Variants in MOV10 observed in about 807,000 individuals in gnomAD.
MOV10 encodes the protein RNA helicase MOV-10.
A neutral mutation model predicts 108.4 loss-of-function variants in MOV10; 39 were observed. The ratio of observed to expected loss-of-function variants is 0.36; its 90% CI spans 0.28 to 0.47. The LOEUF is 0.47. Among genes scored for constraint, MOV10 ranks in the 20% least tolerant of loss-of-function variants. The probability of loss-of-function intolerance (pLI) is 1.00; values close to 1 mark genes in which losing one functional copy is unlikely to be tolerated. For synonymous variants in MOV10, 490 were observed against 523.1 expected (o/e 0.94, Z 0.86); for missense variants, 952 against 1,297.6 (o/e 0.73, Z 4.09).
At chr1:112,683,255 AT>A (rs1367909755) in intron 2 of MOV10, among the ~76,000 whole-genome samples, 4 of 152,096 alleles carry the variant, frequency 2.6e-5, no homozygotes, top group Admixed American at 1.3e-4. Flanking sequence ...GTGGACTTAC[AT>A]TTTAATTTCT....
chr1:112,698,619 G>A lies in MOV10; in HGVS notation c.2509-96G>A, dbSNP rs138218328. On this transcript the variant is annotated intron_variant, in intron 16 of 20. Transcript: ENST00000369645. ...CAGAAGAGCACCAAGGTCAGCTGCC[G>A]CCTCCCTTTGTTCCCCAGCTCCCTG... 133 of 1,464,670 alleles carry A rather than the reference G, an allele frequency of 9.1e-5. No individual in the cohort carries two copies. In the African/African-American group the frequency reaches 1.5e-3, roughly 17 times the overall value. 90.7% of individuals were successfully genotyped at this position (1,464,670 alleles called of 1,614,324 possible). A position where few individuals can be genotyped will look rare whatever the true frequency, so the allele number is the denominator to read the frequency against.
Position 112,675,186 on chromosome 1 carries a change from C to A in MOV10, c.137+137C>A. ...GCGGCTCAGGCCAGTCCCGGGGCGGCGCAGACCTCCCCTCCCGCGCCTCGC... is the reference window on the plus strand; with the variant it reads ...GCGGCTCAGGCCAGTCCCGGGGCGGAGCAGACCTCCCCTCCCGCGCCTCGC... On this transcript the variant is annotated intron_variant, in intron 2 of 20. Coordinates refer to ENST00000369645, the MANE Select transcript of MOV10 (RefSeq NM_001321324.2). This position sits in a 1 kb window ranked among gnomAD's most constrained non-coding sequence, Gnocchi z 4.7. The A allele has an allele frequency of 2.1e-6, 2 of 951,806 alleles. No individual in the cohort carries two copies. The highest frequency in any genetic ancestry group is 2.0e-5 in the South Asian group (1 of 49,848). 59.0% of individuals were successfully genotyped at this position (951,806 alleles called of 1,614,324 possible). A position where few individuals can be genotyped will look rare whatever the true frequency, so the allele number is the denominator to read the frequency against.
In MOV10 at chr1:112,695,541, C is replaced by T. The variant is rs754163528; in HGVS notation, c.1746C>T (p.Ser582=). The change falls in exon 11 of 21, where the codon AGC becomes AGT. Residue 582 remains serine (S), a synonymous_variant. Transcript: ENST00000369645. The stretch of plus-strand genomic sequence containing the variant: ...CCATCTACCGCCTCCTGGCCCCCAG[C>T]AGGGACATCCGCATGGTACCTGAGG... ...PSSIYRLLAP[S]RDIRMVPEDI... The T allele has an allele frequency of 6.2e-7, 1 of 1,614,162 alleles. No individual in the cohort carries two copies. Among genetic ancestry groups the T allele is most frequent in the South Asian group, 1.1e-5 (1 of 91,088 alleles).
chr1:112,685,428 G>A lies in MOV10; in HGVS notation c.138-3507G>A, dbSNP rs192130390. On this transcript the variant is annotated intron_variant, in intron 2 of 20. Coordinates refer to ENST00000369645, the MANE Select transcript of MOV10 (RefSeq NM_001321324.2). ...TCCCAGCACTTTGGGAGGCCGAGGC[G>A]GGCAGATCAGGAGGTCAAGAGATTG... Among the ~76,000 whole-genome samples, 457 of 151,938 alleles carry A rather than the reference G, an allele frequency of 3.0e-3. 5 individuals carry two copies. Among genetic ancestry groups the A allele is most frequent in the African/African-American group, 9.7e-3 (402 of 41,448 alleles).
chr1:112,700,727 G>C lies in MOV10; in HGVS notation c.*220G>C, dbSNP rs1674579961. 6.6e-7 allele frequency: 1 copy of C among 1,510,288 alleles called. No homozygotes were observed. The highest frequency in any genetic ancestry group is 8.8e-7 in the Non-Finnish European group (1 of 1,135,824). 93.6% of individuals were successfully genotyped at this position (1,510,288 alleles called of 1,614,324 possible). ...AAGAAAACTCTGAAAACAAAATCTT[G>C]TTCTATGCAAAAGCCTTGATAATGT... On this transcript the variant is annotated 3_prime_UTR_variant, in exon 21 of 21. Transcript: ENST00000369645.
rs766472100 is a variant in MOV10, at chr1:112,700,267, C to G, written c.2847C>G (p.Phe949Leu). 1.9e-6 allele frequency: 3 copies of G among 1,614,174 alleles called. No homozygotes were observed. In the South Asian group the frequency reaches 3.3e-5, roughly 18 times the overall value. Residue 949 changes from phenylalanine (F) to leucine (L), a missense_variant, in exon 20 of 21, where the codon TTC becomes TTG. This residue lies in a region of MOV10 where 65 missense variants were observed against 124.3 expected (regional missense o/e 0.52). Transcript: ENST00000369645. ...KENGGYTGCP[F>L]PAKLDLQQGQ... The stretch of plus-strand genomic sequence containing the variant: ...ACGGAGGGTATACCGGGTGTCCCTT[C>G]CCTGCCAAACTGGACCTGCAACAGG...
intron 16 of MOV10, 60 bp from the exon 17 acceptor site, chr1:112,698,655 A>G: frequency 6.4e-7 from 1 of 1,560,752 alleles, no homozygotes; most frequent in Non-Finnish European, 8.8e-7. Context: ...GCCTCCTGCC[A>G]GGCTCCCTCT....
chr1:112,688,461 CTG>C (rs761457566), intron 2 of MOV10: 13 of 1,030,076 alleles, frequency 1.3e-5, no homozygotes, highest in Non-Finnish European at 1.5e-5. Context: ...GACATCTGTA[CTG>C]TCTCTGATCC....
intron 12 of MOV10, 22 bp downstream of exon 12, chr1:112,696,273 G>A (rs368928284): frequency 6.5e-7 from 1 of 1,546,752 alleles, no homozygotes; most frequent in Non-Finnish European, 8.9e-7. Flanking sequence ...GTGTGGGTGT[G>A]TCTCTGAATC....
rs1673993996 is a variant in MOV10, at chr1:112,695,571, C to T, written c.1776C>T (p.Ile592=). 6.2e-7 allele frequency: 1 copy of T among 1,613,560 alleles called. No individual in the cohort carries two copies. Among genetic ancestry groups the T allele is most frequent in the Non-Finnish European group, 8.5e-7 (1 of 1,179,836 alleles). Residue 592 remains isoleucine, a synonymous_variant, in exon 11 of 21, where the codon ATC becomes ATT. Transcript: ENST00000369645. ...SRDIRMVPED[I]KPCCNWDAKK... ...ACATCCGCATGGTACCTGAGGACATCAAGGTACTAGGGAAGTGCAGAGGGC... is the reference window on the plus strand; with the variant it reads ...ACATCCGCATGGTACCTGAGGACATTAAGGTACTAGGGAAGTGCAGAGGGC...
chr1:112,694,837 A>G lies in MOV10; in HGVS notation c.1561A>G (p.Ile521Val), dbSNP rs1428720517. ...GGGCACCACCCGTCCAGCCCCCTACATCATCTTTGGGCCTCCAGGCACCGG... is the reference window on the plus strand; with the variant it reads ...GGGCACCACCCGTCCAGCCCCCTACGTCATCTTTGGGCCTCCAGGCACCGG... ...VTGTTRPAPY[I>V]IFGPPGTGKT... The change falls in exon 10 of 21, where the codon ATC becomes GTC. Residue 521 changes from isoleucine (I) to valine (V), a missense_variant. By Grantham distance (29) the Ile-to-Val change is conservative. This residue lies in a region of MOV10 where 453 missense variants were observed against 611.5 expected (regional missense o/e 0.74). Coordinates refer to ENST00000369645, the MANE Select transcript of MOV10 (RefSeq NM_001321324.2). This position sits in a 1 kb window ranked among gnomAD's most constrained non-coding sequence, Gnocchi z 4.1. 1 of 1,613,982 alleles carries G rather than the reference A, an allele frequency of 6.2e-7. No homozygotes were observed. The highest frequency in any genetic ancestry group is 8.5e-7 in the Non-Finnish European group (1 of 1,180,014).
chr1:112,692,819 C>G lies in MOV10; in HGVS notation c.1030C>G (p.Leu344Val). Residue 344 changes from leucine to valine, a missense_variant, in exon 7 of 21, where the codon CTG becomes GTG. Coordinates refer to ENST00000369645, the MANE Select transcript of MOV10 (RefSeq NM_001321324.2). ...CTATGAGGTGAAGCTGCGGCTGCTG[C>G]TGCACCTGGAGGAACTGCAGATGGA... ...RNYEVKLRLLLHLEELQMEHD... is the reference protein window; with the variant it reads ...RNYEVKLRLLVHLEELQMEHD... 3 of 1,614,116 alleles carry G rather than the reference C, an allele frequency of 1.9e-6. No individual in the cohort carries two copies. In the Middle Eastern group the frequency reaches 4.9e-4, roughly 266 times the overall value.
In MOV10 at chr1:112,689,394, CTTG is replaced by C; in HGVS notation, c.342-20_342-18del. ...CAGACCGCTCCCACCCCAACCCCCC[CTTG>C]ACTCCCCTTCTCCCCAGGGCTGAGT... On this transcript the variant is annotated intron_variant, in intron 3 of 20. Transcript: ENST00000369645. 21 of 1,499,030 alleles carry C rather than the reference CTTG, an allele frequency of 1.4e-5. No individual in the cohort carries two copies. The highest frequency in any genetic ancestry group is 1.9e-5 in the Non-Finnish European group (20 of 1,075,942). 92.9% of individuals were successfully genotyped at this position (1,499,030 alleles called of 1,614,324 possible). A position where few individuals can be genotyped will look rare whatever the true frequency, so the allele number is the denominator to read the frequency against.
chr1:112,682,645 TACTC>T (rs1476054824), intron 2 of MOV10, among the ~76,000 whole-genome samples: 3 of 152,224 alleles, frequency 2.0e-5, no homozygotes, highest in Admixed American at 2.0e-4. Context: ...TCCTCACTCT[TACTC>T]ACCCAGAAGC....
intron 7 of MOV10, 76 bp from the exon 8 acceptor site, chr1:112,693,942 G>T: frequency 7.0e-7 from 1 of 1,429,610 alleles, no homozygotes; most frequent in Non-Finnish European, 9.8e-7. Flanking sequence ...TCCCTTAAAG[G>T]TCTGGGGAAC....
rs772974608 is a variant in MOV10 at position 112,675,033 on chromosome 1, C to T, written c.121C>T (p.Arg41Cys). 5 of 1,593,952 alleles carry T rather than the reference C, an allele frequency of 3.1e-6. No homozygotes were observed. In the African/African-American group the frequency reaches 4.1e-5, roughly 13 times the overall value. Reference sequence around the variant, plus strand: ...CGAGCGGCTGCGGACCATTTATAACCGCGACTTCAAGATCAGGTACGGGCC... The same window carrying T: ...CGAGCGGCTGCGGACCATTTATAACTGCGACTTCAAGATCAGGTACGGGCC... ...DRERLRTIYNRDFKISFGTPA... is the reference protein window; with the variant it reads ...DRERLRTIYNCDFKISFGTPA... Residue 41 changes from arginine to cysteine, a missense_variant, in exon 2 of 21, where the codon CGC (arginine) becomes TGC (cysteine). By Grantham distance (180) the Arg-to-Cys change is radical. Transcript: ENST00000369645. The surrounding 1 kb of genome is among the most constrained non-coding windows in gnomAD (Gnocchi z 4.7).
In MOV10 at chr1:112,675,663, G is replaced by A. The variant is rs1390956674; in HGVS notation, c.137+614G>A. ...GTGGCTTCTCCATGGAGACCCAGGG[G>A]CAGAGCCAGCCTTCTGGAGGCTCCC... On this transcript the variant is annotated intron_variant, in intron 2 of 20. Transcript: ENST00000369645. This position sits in a 1 kb window ranked among gnomAD's most constrained non-coding sequence, Gnocchi z 4.7. 6.6e-6 allele frequency among the ~76,000 whole-genome samples: 1 copy of A among 152,240 alleles called. No homozygotes were observed. Among genetic ancestry groups the A allele is most frequent in the Non-Finnish European group, 1.5e-5 (1 of 68,038 alleles).
chr1:112,698,454 C>T lies in MOV10; in HGVS notation c.2484C>T (p.Gly828=), dbSNP rs760100089. Residue 828 remains glycine (G), a synonymous_variant, in exon 16 of 21, where the codon GGC becomes GGT. Coordinates refer to ENST00000369645, the MANE Select transcript of MOV10 (RefSeq NM_001321324.2). ...GKARLSPRSV[G]VISPYRKQVE... ...CTCGCCTGAGCCCTCGAAGTGTGGGCGTCATCTCCCCGTACCGGAAACAGG... is the reference window on the plus strand; with the variant it reads ...CTCGCCTGAGCCCTCGAAGTGTGGGTGTCATCTCCCCGTACCGGAAACAGG... 6.8e-6 allele frequency: 11 copies of T among 1,614,058 alleles called. No homozygotes were observed. The highest frequency in any genetic ancestry group is 4.4e-5 in the South Asian group (4 of 91,076).
Position 112,689,464 on chromosome 1 carries a change from C to A in MOV10, c.391C>A (p.Pro131Thr). ...TGGTGTGGATGTGGAAGTCCAGGGG[C>A]CCCATGAAGCCCGAGATGGGCAGCT... Reference protein sequence around the residue: ...KHGVDVEVQGPHEARDGQLLI... With the variant: ...KHGVDVEVQGTHEARDGQLLI... The change falls in exon 4 of 21, where the codon CCC becomes ACC. Residue 131 changes from proline (P) to threonine (T), a missense_variant. Physicochemically the swap from Pro to Thr is conservative, Grantham distance 38 (BLOSUM62 -1). Transcript: ENST00000369645. 2 of 1,542,452 alleles carry A rather than the reference C, an allele frequency of 1.3e-6. No individual in the cohort carries two copies. The highest frequency in any genetic ancestry group is 1.8e-6 in the Non-Finnish European group (2 of 1,137,142).
Sources: gnomAD v4.1 joint callset for allele counts (sites outside exome capture counted in the v4.1 genomes callset) on GRCh38, gnomAD v4.1.1 for gene constraint, gnomAD v4.1.1 regional missense constraint, Gnocchi (gnomAD v3.1) non-coding constraint, MANE v1.5 for transcripts, NCBI Gene and HGNC (gene_info 2026-07-23, HGNC 2026-07-21) for gene names.